ECPAS: variants seen among roughly 807,000 people sequenced by gnomAD.
ECPAS encodes the protein Ecm29 proteasome adaptor and scaffold.
Under a neutral mutation model 255.1 loss-of-function variants are expected in ECPAS, and 70 were observed. That is an observed-to-expected ratio of 0.27 (90% CI 0.23 to 0.33). The LOEUF (loss-of-function observed/expected upper bound fraction) is 0.33. Ranked by LOEUF, ECPAS falls within the 10% of genes least tolerant of loss-of-function variation. The probability of loss-of-function intolerance (pLI) is 1.00; values close to 1 mark genes in which losing one functional copy is unlikely to be tolerated. For synonymous variants in ECPAS, 784 were observed against 775.0 expected (o/e 1.01, Z -0.19); for missense variants, 1,817 against 2,206.4 (o/e 0.82, Z 3.54).
At chr9:111,424,001 T>C (rs1030380836) in intron 12 of ECPAS, among the ~76,000 whole-genome samples, 1 of 152,198 alleles carries the variant, frequency 6.6e-6, no homozygotes, top group East Asian at 1.9e-4. Flanking sequence ...TCACACCCTG[T>C]GGTTTGTCTG....
At chr9:111,437,791 G>A (rs1011530924) in intron 6 of ECPAS, among the ~76,000 whole-genome samples, 1 of 152,036 alleles carries the variant, frequency 6.6e-6, no homozygotes, top group Non-Finnish European at 1.5e-5. Flanking sequence ...CTTCTATAGA[G>A]GAGAAATAAG....
intron 18 of ECPAS, among the ~76,000 whole-genome samples, chr9:111,415,606 C>T (rs1230369308): frequency 2.0e-5 from 3 of 150,676 alleles, no homozygotes; most frequent in Non-Finnish European, 3.0e-5. Context: ...GAGACTGGGA[C>T]GGAGGTTCAC....
chr9:111,476,232 T>C (rs1285875111), intron 1 of ECPAS, among the ~76,000 whole-genome samples: 1 of 152,164 alleles, frequency 6.6e-6, no homozygotes, highest in African/African-American at 2.4e-5. Flanking sequence ...AAGCCCAGAA[T>C]ACGAAACCAC....
intron 1 of ECPAS, among the ~76,000 whole-genome samples, chr9:111,482,838 C>A (rs2098308321): frequency 7.0e-6 from 1 of 142,922 alleles, no homozygotes; most frequent in South Asian, 2.1e-4. Context: ...GGCGGGGCGG[C>A]CTGGGATTCA....
chr9:111,480,174 G>A (rs1429520842), intron 1 of ECPAS, among the ~76,000 whole-genome samples: 2 of 151,024 alleles, frequency 1.3e-5, no homozygotes, highest in African/African-American at 4.9e-5. Context: ...GTTAGTGGAA[G>A]AGAACAATGC....
intron 7 of ECPAS, 68 bp from the exon 8 acceptor site, chr9:111,433,440 C>T (rs1301265323): frequency 2.0e-6 from 3 of 1,535,764 alleles, no homozygotes; most frequent in Admixed American, 1.7e-5. Flanking sequence ...GAAAGTACTG[C>T]TTAACATATC....
At chr9:111,418,880 A>G (rs1303817973) in intron 16 of ECPAS, among the ~76,000 whole-genome samples, 1 of 152,146 alleles carries the variant, frequency 6.6e-6, no homozygotes, top group Non-Finnish European at 1.5e-5. Context: ...AAAAATTAAG[A>G]AGCAACAGAG....
intron 16 of ECPAS, among the ~76,000 whole-genome samples, chr9:111,419,708 G>A (rs544408296): frequency 8.6e-5 from 13 of 150,422 alleles, no homozygotes; most frequent in South Asian, 4.2e-4. Flanking sequence ...TATTACACAC[G>A]CAATCATATA....
chr9:111,364,130 C>T (rs1250803631), intron 48 of ECPAS, among the ~76,000 whole-genome samples: 1 of 152,202 alleles, frequency 6.6e-6, no homozygotes, highest in Non-Finnish European at 1.5e-5. Context: ...TAAAAGGATG[C>T]TGCTGCCAAC....
intron 35 of ECPAS, among the ~76,000 whole-genome samples, chr9:111,379,152 A>G (rs1186344874): frequency 6.6e-6 from 1 of 152,168 alleles, no homozygotes; most frequent in Non-Finnish European, 1.5e-5. Flanking sequence ...CTGCCACTGT[A>G]TTACAGTCAT....
chr9:111,364,394 T>C (rs570413345), intron 48 of ECPAS, among the ~76,000 whole-genome samples: 112 of 152,256 alleles, frequency 7.4e-4, no homozygotes, highest in Non-Finnish European at 6.8e-4. Context: ...AATAACGAAT[T>C]AGATTTAAAA....
Position 111,363,624 on chromosome 9 carries a change from A to G in ECPAS, c.5344T>C (p.Leu1782=), listed in dbSNP as rs759832160. ...KTYSSVRTEA[L]SVIELLLKKL... is the part of the protein sequence containing the mutation. ...TTAAGCAGCAATTCTATCACAGATA[A>G]AGCTTCTGTTCTCACAGATGAGTAG... Residue 1782 remains leucine, a synonymous_variant, in exon 49 of 50, where the codon TTA becomes CTA. Transcript: ENST00000684092. 6.3e-7 allele frequency: 1 copy of G among 1,577,054 alleles called. No individual in the cohort carries two copies. Among genetic ancestry groups the G allele is most frequent in the South Asian group, 1.1e-5 (1 of 87,552 alleles).
intron 6 of ECPAS, among the ~76,000 whole-genome samples, chr9:111,439,154 G>A (rs985812125): frequency 1.3e-5 from 2 of 152,210 alleles, no homozygotes; most frequent in Admixed American, 6.5e-5. Context: ...ATAGGCGGGT[G>A]TTTTGTGTTT....
chr9:111,402,736 T>G (rs1313745473), intron 24 of ECPAS, among the ~76,000 whole-genome samples: 1 of 152,236 alleles, frequency 6.6e-6, no homozygotes, highest in African/African-American at 2.4e-5. Flanking sequence ...TGTTCTTTTC[T>G]TGTGATCAAA....
chr9:111,474,429 A>G (rs532068908), intron 1 of ECPAS, among the ~76,000 whole-genome samples: 2 of 152,256 alleles, frequency 1.3e-5, no homozygotes, highest in East Asian at 3.9e-4. Context: ...TGCCAAATCC[A>G]CTTCCACTGT....
intron 7 of ECPAS, among the ~76,000 whole-genome samples, chr9:111,434,231 T>G (rs893159272): frequency 1.3e-5 from 2 of 152,112 alleles, no homozygotes; most frequent in Non-Finnish European, 2.9e-5. Context: ...CAACTTACTT[T>G]TAACAACAGC....
Position 111,372,557 on chromosome 9 carries a change from A to G in ECPAS, c.4400T>C (p.Val1467Ala). The change falls in exon 42 of 50, where the codon GTA (valine) becomes GCA (alanine). Residue 1467 changes from valine (V) to alanine (A), a missense_variant. Transcript: ENST00000684092. ...GACTTCTTTTGCATGATTCTTTAAT[A>G]CATCAGGGCTGTATCGTCCAATAGC... is the stretch of plus-strand genomic sequence containing the variant. ...IHAIGRYSPD[V>A]LKNHAKEVLP... 1 of 1,613,826 alleles carries G rather than the reference A, an allele frequency of 6.2e-7. No individual in the cohort carries two copies. Among genetic ancestry groups the G allele is most frequent in the South Asian group, 1.1e-5 (1 of 91,084 alleles).
At chr9:111,390,166 A>G in intron 29 of ECPAS, 65 bp from the exon 30 acceptor site, 2 of 926,002 alleles carry the variant, frequency 2.2e-6, no homozygotes, top group Non-Finnish European at 3.3e-6. Flanking sequence ...AAAAAATTAC[A>G]TCATCAATAT....
At chr9:111,394,134 G>A in intron 26 of ECPAS, 26 bp downstream of exon 26, 1 of 1,576,168 alleles carries the variant, frequency 6.3e-7, no homozygotes, top group African/African-American at 1.4e-5. Context: ...TTTCCAACAG[G>A]GCTGACCACA....
Sources: allele counts gnomAD v4.1 joint callset (sites outside exome capture counted in the v4.1 genomes callset), GRCh38; gene constraint gnomAD v4.1.1; transcripts MANE v1.5; gene names NCBI Gene and HGNC (gene_info 2026-07-23, HGNC 2026-07-21).